Variants in MECOM observed in about 807,000 individuals in gnomAD.
MECOM encodes the protein histone-lysine N-methyltransferase MECOM.
Under a neutral mutation model 116.3 loss-of-function variants are expected in MECOM, and 13 were observed. That is an observed-to-expected ratio of 0.11 (90% confidence interval 0.07 to 0.18). MECOM has a LOEUF of 0.18. MECOM is among the 10% of genes least tolerant of loss of function. The pLI, the probability that MECOM is intolerant of heterozygous loss-of-function variation, is 1.00. For synonymous variants in MECOM, 528 were observed against 535.2 expected, an observed-to-expected ratio of 0.99 and a Z score of 0.19; for missense variants, 1,299 against 1,509.0, an observed-to-expected ratio of 0.86 and a Z score of 2.31.
In MECOM at chr3:169,089,180, A is replaced by G. The variant is rs769146253; in HGVS notation, c.3405T>C (p.Tyr1135=). 64 of 1,508,716 alleles carry G rather than the reference A, an allele frequency of 4.2e-5. 1 individual carries two copies. The South Asian group carries it at 8.2e-4, about 19-fold the overall frequency. 93.5% of individuals were successfully genotyped at this position (1,508,716 alleles called of 1,614,324 possible). A position where few individuals can be genotyped will look rare whatever the true frequency, so the allele number is the denominator to read the frequency against. Residue 1135 remains tyrosine, a synonymous_variant, in exon 16 of 17, where the codon TAT becomes TAC. Transcript: ENST00000651503. The stretch of plus-strand genomic sequence containing the variant: ...GTCCACTTTTATATTCTTCCTCTTT[A>G]TACCTAAAATGAACCAACGAAAAAC... ...EMSCKTSPVR[Y]KEEEYKSGLS...
intron 2 of MECOM, among the ~76,000 whole-genome samples, chr3:169,170,208 C>T (rs949608672): frequency 1.3e-5 from 2 of 151,824 alleles, no homozygotes; most frequent in South Asian, 2.1e-4. Context: ...GTCAAGAGAT[C>T]GAGACCATCC....
intron 1 of MECOM, among the ~76,000 whole-genome samples, chr3:169,382,610 C>G (rs1456571272): frequency 6.6e-6 from 1 of 151,976 alleles, no homozygotes; most frequent in South Asian, 2.1e-4. Context: ...TTGTTTGATT[C>G]ATAGAACTTC....
intron 1 of MECOM, among the ~76,000 whole-genome samples, chr3:169,528,908 T>G (rs554082330): frequency 6.6e-6 from 1 of 152,204 alleles, no homozygotes; most frequent in Non-Finnish European, 1.5e-5. Flanking sequence ...CATTCGTTGT[T>G]GGAACTTGAC....
intron 1 of MECOM, among the ~76,000 whole-genome samples, chr3:169,628,803 A>G (rs1301818926): frequency 2.0e-5 from 3 of 152,220 alleles, no homozygotes; most frequent in Non-Finnish European, 4.4e-5. Flanking sequence ...TGCTAGAGAT[A>G]CAGCACTTGC....
chr3:169,467,254 T>C (rs959740379), intron 1 of MECOM, among the ~76,000 whole-genome samples: 4 of 152,084 alleles, frequency 2.6e-5, no homozygotes, highest in Non-Finnish European at 4.4e-5. Context: ...AAATCTGGGG[T>C]GTGGAAAACA....
In MECOM at chr3:169,428,652, C is replaced by T. The variant is rs543386523; in HGVS notation, c.38-47128G>A. 2.8e-4 allele frequency among the ~76,000 whole-genome samples: 43 copies of T among 152,302 alleles called. No individual in the cohort carries two copies. The South Asian group carries it at 4.1e-3, about 15-fold the overall frequency. Reference sequence around the variant, plus strand: ...TTAAAATTTGTTGGAAAAGAATATGCTCATGAGGTCATACACACTCTATTG... The same window carrying T: ...TTAAAATTTGTTGGAAAAGAATATGTTCATGAGGTCATACACACTCTATTG... On this transcript the variant is annotated intron_variant, in intron 1 of 16. Transcript: ENST00000651503.
At chr3:169,178,106 A>AT (rs1470560330) in intron 2 of MECOM, among the ~76,000 whole-genome samples, 2 of 152,154 alleles carry the variant, frequency 1.3e-5, no homozygotes, top group African/African-American at 4.8e-5. Context: ...AGCAATCAGC[A>AT]TAGTGCCTGA....
intron 2 of MECOM, among the ~76,000 whole-genome samples, chr3:169,262,949 A>G (rs1757734438): frequency 6.7e-6 from 1 of 149,682 alleles, no homozygotes; most frequent in African/African-American, 2.5e-5. Context: ...TCACTACTTC[A>G]GCTCAGCTGC....
chr3:169,148,130 A>G (rs1041355973), intron 2 of MECOM, among the ~76,000 whole-genome samples: 2 of 152,156 alleles, frequency 1.3e-5, no homozygotes, highest in African/African-American at 4.8e-5. Flanking sequence ...CTTTAAAGAT[A>G]TTTTAAAATC....
At chr3:169,243,021 T>C (rs540813169) in intron 2 of MECOM, among the ~76,000 whole-genome samples, 18 of 152,174 alleles carry the variant, frequency 1.2e-4, no homozygotes, top group Non-Finnish European at 2.5e-4. Context: ...ACCTTTGTTA[T>C]TCCATCAAAT....
At chr3:169,352,979 T>C (rs1726625309) in intron 2 of MECOM, among the ~76,000 whole-genome samples, 1 of 151,954 alleles carries the variant, frequency 6.6e-6, no homozygotes, top group Non-Finnish European at 1.5e-5. Flanking sequence ...GGACCAAAAC[T>C]ATGCTGATGT....
At chr3:169,422,480 C>T (rs944982218) in intron 1 of MECOM, among the ~76,000 whole-genome samples, 9 of 152,040 alleles carry the variant, frequency 5.9e-5, no homozygotes, top group African/African-American at 1.9e-4. Flanking sequence ...TTCACATATA[C>T]AAAACTTCAT....
intron 1 of MECOM, among the ~76,000 whole-genome samples, chr3:169,490,471 A>G (rs1752947735): frequency 2.0e-5 from 3 of 152,232 alleles, no homozygotes; most frequent in Non-Finnish European, 4.4e-5. Flanking sequence ...GAACAAATTA[A>G]TAAACTGTGG....
intron 1 of MECOM, among the ~76,000 whole-genome samples, chr3:169,430,051 A>C (rs1223354416): frequency 6.6e-6 from 1 of 152,232 alleles, no homozygotes; most frequent in Non-Finnish European, 1.5e-5. Flanking sequence ...AGAAGTTAGA[A>C]GTAGAATGTT....
chr3:169,586,490 T>C (rs1765792391), intron 1 of MECOM, among the ~76,000 whole-genome samples: 1 of 152,182 alleles, frequency 6.6e-6, no homozygotes. Context: ...TTCACAACCG[T>C]CCTTAAGGAA....
intron 1 of MECOM, among the ~76,000 whole-genome samples, chr3:169,545,894 C>T (rs188450117): frequency 1.3e-5 from 2 of 151,576 alleles, no homozygotes; most frequent in Admixed American, 1.3e-4. Context: ...TTCCCAATCT[C>T]TTTTTTTTTC....
intron 1 of MECOM, among the ~76,000 whole-genome samples, chr3:169,444,594 C>A (rs1267655338): frequency 6.6e-6 from 1 of 152,154 alleles, no homozygotes; most frequent in East Asian, 1.9e-4. Context: ...CTCAATTAAA[C>A]CTTTTTTTCT....
At chr3:169,498,559 G>C (rs1384956730) in intron 1 of MECOM, among the ~76,000 whole-genome samples, 1 of 152,190 alleles carries the variant, frequency 6.6e-6, no homozygotes, top group Non-Finnish European at 1.5e-5. Context: ...CATAAAGCCA[G>C]AGTTAAAACT....
chr3:169,134,349 T>C (rs1441251427), intron 3 of MECOM, among the ~76,000 whole-genome samples: 5 of 152,134 alleles, frequency 3.3e-5, no homozygotes, highest in Non-Finnish European at 7.4e-5. Flanking sequence ...GCATACAAAA[T>C]AAAAGACACG....
Sources: allele counts gnomAD v4.1 joint callset (sites outside exome capture counted in the v4.1 genomes callset), GRCh38; gene constraint gnomAD v4.1.1; transcripts MANE v1.5; gene names NCBI Gene and HGNC (gene_info 2026-07-23, HGNC 2026-07-21).